EIF3H: variants seen among roughly 807,000 people sequenced by gnomAD.
EIF3H encodes eIF-3-gamma.
In EIF3H, 26 loss-of-function variants were observed where a neutral mutation model predicts 44.2. The ratio of observed to expected loss-of-function variants is 0.59; its 90% CI spans 0.43 to 0.82. The LOEUF (loss-of-function observed/expected upper bound fraction) is 0.82. Ranked by LOEUF, EIF3H falls within the 40% of genes least tolerant of loss-of-function variation. The pLI is 0.00. For synonymous variants in EIF3H, 166 were observed against 151.9 expected, an observed-to-expected ratio of 1.09 and a Z score of -0.68; for missense variants, 359 against 432.8, an observed-to-expected ratio of 0.83 and a Z score of 1.51.
intron 2 of EIF3H, among the ~76,000 whole-genome samples, chr8:116,697,538 C>T (rs908643063): frequency 6.6e-6 from 1 of 152,154 alleles, no homozygotes; most frequent in Admixed American, 6.5e-5. Context: ...GTACTCAAGC[C>T]GCTATCCCTA....
chr8:116,729,134 T>A (rs568772111), intron 1 of EIF3H, among the ~76,000 whole-genome samples: 4 of 152,292 alleles, frequency 2.6e-5, no homozygotes, highest in African/African-American at 9.6e-5. Context: ...TTACCCCTAC[T>A]AATGAGATTG....
At chr8:116,650,717 C>G (rs1813374745) in intron 5 of EIF3H, among the ~76,000 whole-genome samples, 1 of 152,170 alleles carries the variant, frequency 6.6e-6, no homozygotes, top group African/African-American at 2.4e-5. Context: ...CAGGCTGGTG[C>G]AGTGGGGCGA....
intron 2 of EIF3H, among the ~76,000 whole-genome samples, chr8:116,724,399 T>C (rs979889262): frequency 2.0e-5 from 3 of 152,120 alleles, no homozygotes; most frequent in Non-Finnish European, 4.4e-5. Flanking sequence ...GGCACTGATA[T>C]CTTCAATACA....
chr8:116,683,957 G>A (rs1814033264), intron 2 of EIF3H, among the ~76,000 whole-genome samples: 1 of 152,138 alleles, frequency 6.6e-6, no homozygotes, highest in African/African-American at 2.4e-5. Context: ...ATGTATTCAT[G>A]TTAATCTTCC....
At chr8:116,760,210 T>C (rs987287226), upstream of EIF3H, among the ~76,000 whole-genome samples, 9 of 152,192 alleles carry the variant, frequency 5.9e-5, no homozygotes, top group African/African-American at 1.9e-4. Flanking sequence ...ACCACTATAA[T>C]CTCAAGCTCA....
chr8:116,703,191 C>T (rs1484430939), intron 2 of EIF3H, among the ~76,000 whole-genome samples: 2 of 152,106 alleles, frequency 1.3e-5, no homozygotes, highest in African/African-American at 2.4e-5. Flanking sequence ...AATAATCTTT[C>T]TTCTACCATT....
chr8:116,754,754 CTAAG>C (rs1815412556), intron 1 of EIF3H, among the ~76,000 whole-genome samples: 1 of 152,234 alleles, frequency 6.6e-6, no homozygotes, highest in Admixed American at 6.5e-5. Context: ...TCCAGTTTAA[CTAAG>C]TCAGTTCAAC....
intron 2 of EIF3H, among the ~76,000 whole-genome samples, chr8:116,666,393 A>G (rs921567150): frequency 6.6e-6 from 1 of 152,146 alleles, no homozygotes; most frequent in African/African-American, 2.4e-5. Context: ...TATGAAATAA[A>G]TTGGATTCTT....
At chr8:116,688,390 A>G (rs1814115875) in intron 2 of EIF3H, among the ~76,000 whole-genome samples, 2 of 152,168 alleles carry the variant, frequency 1.3e-5, no homozygotes, top group African/African-American at 4.8e-5. Flanking sequence ...CCCTATTGAC[A>G]GTAGAATGAA....
intron 1 of EIF3H, among the ~76,000 whole-genome samples, chr8:116,735,979 A>C (rs1815031954): frequency 1.3e-5 from 2 of 152,170 alleles, no homozygotes; most frequent in African/African-American, 4.8e-5. Flanking sequence ...CACATTTTGG[A>C]ACTTTTCAAA....
intron 1 of EIF3H, among the ~76,000 whole-genome samples, chr8:116,754,747 A>G (rs1380820375): frequency 1.3e-5 from 2 of 152,264 alleles, no homozygotes; most frequent in Admixed American, 1.3e-4. Context: ...TCTTGTATCC[A>G]GTTTAACTAA....
intron 1 of EIF3H, among the ~76,000 whole-genome samples, chr8:116,746,657 G>A (rs533286599): frequency 2.6e-5 from 4 of 152,232 alleles, no homozygotes; most frequent in Non-Finnish European, 2.9e-5. Flanking sequence ...ATACTAGTCC[G>A]CCCAGTTCCT....
At chr8:116,699,921 G>A (rs183549507) in intron 2 of EIF3H, among the ~76,000 whole-genome samples, 178 of 152,062 alleles carry the variant, frequency 1.2e-3, no homozygotes, top group Non-Finnish European at 1.4e-3. Flanking sequence ...AGAGACTCCC[G>A]TGCCTCAGCC....
At chr8:116,724,032 A>G (rs2130923196) in intron 2 of EIF3H, among the ~76,000 whole-genome samples, 1 of 152,332 alleles carries the variant, frequency 6.6e-6, no homozygotes, top group South Asian at 2.1e-4. Flanking sequence ...GAGATGAACA[A>G]AATTTCTGAC....
At chr8:116,689,136 T>C (rs767636123) in intron 2 of EIF3H, 32 of 443,444 alleles carry the variant, frequency 7.2e-5, no homozygotes, top group Admixed American at 1.5e-4. Flanking sequence ...GCACTATGAA[T>C]GAACCTTGAA....
chr8:116,745,465 G>A (rs1815215446), intron 1 of EIF3H, among the ~76,000 whole-genome samples: 1 of 152,166 alleles, frequency 6.6e-6, no homozygotes, highest in Non-Finnish European at 1.5e-5. Flanking sequence ...CAAGAAGACA[G>A]CTACAAGAAA....
At chr8:116,751,321 T>TA (rs1391718135) in intron 1 of EIF3H, among the ~76,000 whole-genome samples, 5 of 152,172 alleles carry the variant, frequency 3.3e-5, no homozygotes, top group African/African-American at 4.8e-5. Context: ...TATTAGAACA[T>TA]AAATTAGTAT....
chr8:116,661,339 T>G (rs897961353), intron 2 of EIF3H, among the ~76,000 whole-genome samples: 2 of 152,230 alleles, frequency 1.3e-5, no homozygotes, highest in African/African-American at 2.4e-5. Flanking sequence ...TCAAAACTTA[T>G]GCAACGTATT....
intron 2 of EIF3H, among the ~76,000 whole-genome samples, chr8:116,669,006 G>A (rs1042203119): frequency 2.0e-5 from 3 of 152,096 alleles, no homozygotes; most frequent in South Asian, 2.1e-4. Flanking sequence ...CCATATTGGC[G>A]ACGGGGGAAA....
Sources: gnomAD v4.1 joint callset for allele counts (sites outside exome capture counted in the v4.1 genomes callset) on GRCh38, gnomAD v4.1.1 for gene constraint, MANE v1.5 for transcripts, NCBI Gene and HGNC (gene_info 2026-07-23, HGNC 2026-07-21) for gene names.